Variants in OSR1 observed in about 807,000 individuals in gnomAD.
The protein encoded by OSR1 is protein odd-skipped-related 1.
A neutral mutation model predicts 15.7 loss-of-function variants in OSR1; 3 were observed. That is an observed-to-expected ratio of 0.19 (90% CI 0.09 to 0.50). The LOEUF (loss-of-function observed/expected upper bound fraction) is 0.50. Among genes scored for constraint, OSR1 ranks in the 20% least tolerant of loss-of-function variants. The pLI, the probability that OSR1 is intolerant of heterozygous loss-of-function variation, is 0.97. For synonymous variants in OSR1, 166 were observed against 152.7 expected (o/e 1.09, Z -0.64); for missense variants, 271 against 351.1 (o/e 0.77, Z 1.82).
At chr2:19,350,585 A>G (rs1572258186), downstream of OSR1, among the ~76,000 whole-genome samples, 1 of 152,094 alleles carries the variant, frequency 6.6e-6, no homozygotes, top group African/African-American at 2.4e-5. Flanking sequence ...GAAGCTGGAG[A>G]GGCCATCCTG....
At chr2:19,345,752 G>C in the OSR1 span, among the ~76,000 whole-genome samples, 7 of 152,090 alleles carry the variant, frequency 4.6e-5, no homozygotes, top group Admixed American at 4.6e-4. Flanking sequence ...CACATGCTCT[G>C]GTCCTTGGCC....
At chr2:19,345,767 G>A in the OSR1 span, among the ~76,000 whole-genome samples, 3 of 152,098 alleles carry the variant, frequency 2.0e-5, no homozygotes, top group East Asian at 3.9e-4. Flanking sequence ...TTGGCCTACC[G>A]TACACCAACA....
chr2:19,346,997 A>G (rs945122065), downstream of OSR1, among the ~76,000 whole-genome samples: 1 of 152,196 alleles, frequency 6.6e-6, no homozygotes, highest in Non-Finnish European at 1.5e-5. Flanking sequence ...CCAACCAAAC[A>G]TAACAATTTG....
At position 19,352,200 on chromosome 2, in the gene OSR1, G is replaced by T. The variant is rs1241018945; in HGVS notation, c.*75C>A. The T allele has an allele frequency of 2.6e-6, 4 of 1,515,428 alleles. No individual in the cohort carries two copies. The highest frequency in any genetic ancestry group is 1.9e-5 in the Admixed American group (1 of 52,460). The allele number at this position is 1,515,428 out of a possible 1,614,324, so 93.9% of individuals were successfully genotyped here. ...CGAGCGAGCGCCTCTCCCGCTGCCC[G>T]CCAGAGTCAGGCTTCTGGTCCCTAT... is the stretch of plus-strand genomic sequence containing the variant. On this transcript the variant is annotated 3_prime_UTR_variant, in exon 3 of 3. Coordinates refer to ENST00000272223, the MANE Select transcript of OSR1 (RefSeq NM_145260.3).
chr2:19,350,680 A>C (rs531179164), downstream of OSR1, among the ~76,000 whole-genome samples: 1 of 152,076 alleles, frequency 6.6e-6, no homozygotes, highest in Non-Finnish European at 1.5e-5. Flanking sequence ...CCTTGCCCCA[A>C]GGAGAAGAGC....
intron 1 of OSR1, chr2:19,356,448 G>C (rs181346656): frequency 6.6e-6 from 1 of 152,236 alleles, no homozygotes; most frequent in Non-Finnish European, 1.5e-5. Flanking sequence ...AAATTCATTC[G>C]AAACGTGGCT....
rs779415526 is a variant in OSR1, at chr2:19,353,528, G to T, written c.278C>A (p.Pro93His). 2.5e-6 allele frequency: 4 copies of T among 1,614,216 alleles called. No individual in the cohort carries two copies. The South Asian group carries it at 4.4e-5, about 18-fold the overall frequency. The change falls in exon 2 of 3, where the codon CCT (proline) becomes CAT (histidine). Residue 93 changes from proline to histidine, a missense_variant. Physicochemically the swap from Pro to His is moderately conservative, Grantham distance 77. Coordinates refer to ENST00000272223, the MANE Select transcript of OSR1 (RefSeq NM_145260.3). ...CTCGGGCTTGGGTTGAATGACATGA[G>T]GGAACCAGGGAAAGGCGGGCAGCTG... ...RFQLPAFPWF[P>H]HVIQPKPEIT...
downstream of OSR1, among the ~76,000 whole-genome samples, chr2:19,350,769 T>G (rs1004970911): frequency 1.8e-4 from 28 of 151,642 alleles, no homozygotes; most frequent in African/African-American, 6.8e-4. Flanking sequence ...GACTCGAATT[T>G]TTCCTCCTAA....
Position 19,353,443 on chromosome 2 carries a change from G to A in OSR1, c.363C>T (p.Asn121=), listed in dbSNP as rs768179728. The A allele has an allele frequency of 6.2e-7, 1 of 1,614,046 alleles. No homozygotes were observed. Among genetic ancestry groups the A allele is most frequent in the Middle Eastern group, 1.6e-4 (1 of 6,062 alleles). ...LKTKPRFDFA[N]LALAATQEDP... is the part of the protein sequence containing the mutation. Reference sequence around the variant, plus strand: ...CTTCTTGCGTTGCTGCCAAGGCCAGGTTGGCAAAATCAAAGCGCGGCTTGG... The same window carrying A: ...CTTCTTGCGTTGCTGCCAAGGCCAGATTGGCAAAATCAAAGCGCGGCTTGG... Residue 121 remains asparagine, a synonymous_variant, in exon 2 of 3, where the codon AAC becomes AAT. Coordinates refer to ENST00000272223, the MANE Select transcript of OSR1 (RefSeq NM_145260.3).
chr2:19,352,168 A>T lies in OSR1; in HGVS notation c.*107T>A. The T allele has an allele frequency of 7.7e-7, 1 of 1,296,414 alleles. No individual in the cohort carries two copies. 80.3% of individuals were successfully genotyped at this position (1,296,414 alleles called of 1,614,324 possible). A position where few individuals can be genotyped will look rare whatever the true frequency, so the allele number is the denominator to read the frequency against. On this transcript the variant is annotated 3_prime_UTR_variant, in exon 3 of 3. Transcript: ENST00000272223. ...CCAGGGGACAATGTTGGAGAGGTGG[A>T]AGGTCCCGAGCGAGCGCCTCTCCCG...
chr2:19,348,708 C>T (rs1270787473), downstream of OSR1, among the ~76,000 whole-genome samples: 3 of 152,250 alleles, frequency 2.0e-5, no homozygotes, highest in African/African-American at 7.2e-5. Context: ...TCCCTAACCC[C>T]TAACTACACT....
chr2:19,350,712 T>G (rs991907967), downstream of OSR1, among the ~76,000 whole-genome samples: 2 of 151,958 alleles, frequency 1.3e-5, no homozygotes, highest in African/African-American at 4.8e-5. Context: ...GGCTTCTAAC[T>G]GTGGGAAAAC....
the OSR1 span, among the ~76,000 whole-genome samples, chr2:19,345,497 G>A: frequency 6.6e-6 from 1 of 151,984 alleles, no homozygotes; most frequent in Admixed American, 6.6e-5. Context: ...GTAAGGAAGG[G>A]ATCCAGTTTC....
At chr2:19,356,854 G>A (rs1032940644) in intron 1 of OSR1, 1 of 152,280 alleles carries the variant, frequency 6.6e-6, no homozygotes, top group Non-Finnish European at 1.5e-5. Flanking sequence ...CATTAATGAA[G>A]TGTGCAGAGT....
downstream of OSR1, chr2:19,348,423 C>T (rs539098537): frequency 1.9e-5 from 3 of 154,380 alleles, no homozygotes; most frequent in East Asian, 5.9e-4. Context: ...TCATTCAAGC[C>T]TTGTGTTCCA....
chr2:19,349,043 G>A (rs1183388917), downstream of OSR1, among the ~76,000 whole-genome samples: 1 of 152,228 alleles, frequency 6.6e-6, no homozygotes, highest in African/African-American at 2.4e-5. Context: ...ACTGGGACCA[G>A]CGAAGCTTAT....
chr2:19,352,094 G>C lies in OSR1; in HGVS notation c.*181C>G, dbSNP rs1401405201. 10 of 579,884 alleles carry C rather than the reference G, an allele frequency of 1.7e-5. No individual in the cohort carries two copies. Among genetic ancestry groups the C allele is most frequent in the Non-Finnish European group, 1.7e-5 (6 of 349,028 alleles). 35.9% of individuals were successfully genotyped at this position (579,884 alleles called of 1,614,324 possible). ...TCCTAGGGGAGCAGCAGGGACGGTC[G>C]GGGTCGCGGCCCCGGGCGGGGCTCT... is the stretch of plus-strand genomic sequence containing the variant. On this transcript the variant is annotated 3_prime_UTR_variant, in exon 3 of 3. Transcript: ENST00000272223.
At chr2:19,352,639 C>T (rs567555884) in intron 2 of OSR1, among the ~76,000 whole-genome samples, 11 of 152,212 alleles carry the variant, frequency 7.2e-5, no homozygotes, top group African/African-American at 2.4e-4. Flanking sequence ...GTTTAAGGTG[C>T]CTTCCTGGTG....
rs1016654215 is a variant in OSR1 at position 19,352,059 on chromosome 2, T to A, written c.*216A>T. 4.8e-5 allele frequency: 21 copies of A among 438,368 alleles called. No homozygotes were observed. Among genetic ancestry groups the A allele is most frequent in the Non-Finnish European group, 8.4e-5 (21 of 249,916 alleles). The allele number at this position is 438,368 out of a possible 1,614,324, so 27.2% of individuals were successfully genotyped here. On this transcript the variant is annotated 3_prime_UTR_variant, in exon 3 of 3. Transcript: ENST00000272223. Reference sequence around the variant, plus strand: ...GTGAGTACCGCCTTTTGGCCAAGAGTTTAGCCGCGTCCTAGGGGAGCAGCA... The same window carrying A: ...GTGAGTACCGCCTTTTGGCCAAGAGATTAGCCGCGTCCTAGGGGAGCAGCA...
Sources: allele counts gnomAD v4.1 joint callset (sites outside exome capture counted in the v4.1 genomes callset), GRCh38; gene constraint gnomAD v4.1.1; transcripts MANE v1.5; gene names NCBI Gene and HGNC (gene_info 2026-07-23, HGNC 2026-07-21).